MAP4K5: variants seen among roughly 807,000 people sequenced by gnomAD.
The protein encoded by MAP4K5 is MAPK/ERK kinase kinase kinase 5.
Under a neutral mutation model 135.6 loss-of-function variants are expected in MAP4K5, and 82 were observed. The observed-to-expected ratio is 0.60, with a 90% CI of 0.51 to 0.73. MAP4K5 has a LOEUF of 0.73. MAP4K5 is among the 30% of genes least tolerant of loss of function. The pLI, the probability that MAP4K5 is intolerant of heterozygous loss-of-function variation, is 0.00. For missense variants in MAP4K5, 907 were observed against 1,010.9 expected, an observed-to-expected ratio of 0.90 and a Z score of 1.39; for synonymous variants, 347 against 335.0, an observed-to-expected ratio of 1.04 and a Z score of -0.39.
At chr14:50,546,665 A>G (rs531904022) in intron 1 of MAP4K5, among the ~76,000 whole-genome samples, 3 of 152,276 alleles carry the variant, frequency 2.0e-5, no homozygotes, top group Non-Finnish European at 4.4e-5. Flanking sequence ...TCTGCTAGAT[A>G]TTTTAAGATG....
chr14:50,446,785 T>C (rs1384594322), intron 16 of MAP4K5, among the ~76,000 whole-genome samples: 2 of 152,222 alleles, frequency 1.3e-5, no homozygotes, highest in Non-Finnish European at 2.9e-5. Flanking sequence ...TCTGCTGTTA[T>C]AGTGTGAAAG....
At chr14:50,441,476 A>T (rs1035228154) in intron 21 of MAP4K5, among the ~76,000 whole-genome samples, 7 of 152,076 alleles carry the variant, frequency 4.6e-5, no homozygotes, top group Non-Finnish European at 7.4e-5. Flanking sequence ...CATTATACAA[A>T]CCCCAATTAA....
intron 28 of MAP4K5, among the ~76,000 whole-genome samples, chr14:50,432,130 G>A (rs2139657751): frequency 6.6e-6 from 1 of 152,280 alleles, no homozygotes; most frequent in Non-Finnish European, 1.5e-5. Context: ...CTGACCATAT[G>A]CTAAGCACCA....
intron 2 of MAP4K5, among the ~76,000 whole-genome samples, chr14:50,529,841 C>G (rs538854961): frequency 6.6e-6 from 1 of 152,014 alleles, no homozygotes; most frequent in Admixed American, 6.6e-5. Context: ...GTTTAAGGAG[C>G]AGCAAGCAGG....
intron 2 of MAP4K5, among the ~76,000 whole-genome samples, chr14:50,506,572 G>A (rs781048923): frequency 1.1e-4 from 16 of 152,178 alleles, no homozygotes; most frequent in African/African-American, 3.1e-4. Context: ...TGCCCAGGCC[G>A]GTCTCAAACT....
chr14:50,541,790 G>C (rs1321401737), intron 2 of MAP4K5, among the ~76,000 whole-genome samples: 1 of 151,866 alleles, frequency 6.6e-6, no homozygotes. Flanking sequence ...GGAGGCCGAG[G>C]CAGGAGGATC....
intron 1 of MAP4K5, chr14:50,560,431 G>A (rs1002197713): frequency 2.4e-6 from 3 of 1,226,128 alleles, no homozygotes; most frequent in Non-Finnish European, 3.5e-6. Flanking sequence ...GGCCGTAGCC[G>A]AGCCGCTCCC....
intron 2 of MAP4K5, among the ~76,000 whole-genome samples, chr14:50,514,846 G>T (rs1424238073): frequency 2.5e-5 from 1 of 39,912 alleles, no homozygotes; most frequent in Non-Finnish European, 1.1e-4. Flanking sequence ...GCTCAGGACA[G>T]AATGTATCAC....
chr14:50,452,519 T>C (rs906926180), intron 14 of MAP4K5, among the ~76,000 whole-genome samples: 2 of 152,182 alleles, frequency 1.3e-5, no homozygotes, highest in African/African-American at 2.4e-5. Context: ...CATTTCCAGT[T>C]ATTAACTGTA....
chr14:50,430,894 G>C (rs147448582), intron 28 of MAP4K5, among the ~76,000 whole-genome samples: 148 of 152,282 alleles, frequency 9.7e-4, no homozygotes, highest in Non-Finnish European at 1.0e-3. Flanking sequence ...GTAAAGAGCA[G>C]AGCTGTTTGC....
intron 1 of MAP4K5, among the ~76,000 whole-genome samples, chr14:50,548,994 G>A (rs879839970): frequency 5.3e-5 from 8 of 152,302 alleles, no homozygotes; most frequent in South Asian, 2.1e-4. Context: ...CTCTGGGGTG[G>A]CACAATTACA....
At chr14:50,496,208 C>T (rs1306062403) in intron 3 of MAP4K5, among the ~76,000 whole-genome samples, 1 of 151,780 alleles carries the variant, frequency 6.6e-6, no homozygotes, top group African/African-American at 2.4e-5. Flanking sequence ...AGCCTGTAAT[C>T]CCAGGTACTC....
chr14:50,429,053 A>AT (rs1394232637), intron 29 of MAP4K5, 139 bp downstream of exon 29: 2 of 597,524 alleles, frequency 3.3e-6, no homozygotes, highest in Non-Finnish European at 5.7e-6. Flanking sequence ...ATAAGAGGTG[A>AT]TTTTTTTCGC....
intron 18 of MAP4K5, 38 bp from the exon 19 acceptor site, chr14:50,444,074 A>C (rs1188217098): frequency 6.6e-6 from 9 of 1,363,970 alleles, no homozygotes; most frequent in Non-Finnish European, 9.3e-6. Flanking sequence ...TGACCACACA[A>C]ATAAGCACTT....
chr14:50,513,186 T>G (rs2037964992), intron 2 of MAP4K5, among the ~76,000 whole-genome samples: 1 of 152,204 alleles, frequency 6.6e-6, no homozygotes, highest in Non-Finnish European at 1.5e-5. Flanking sequence ...CCAATTAAAT[T>G]AATTTTCTAT....
intron 6 of MAP4K5, among the ~76,000 whole-genome samples, chr14:50,480,703 T>C (rs897192362): frequency 6.6e-6 from 1 of 152,164 alleles, no homozygotes; most frequent in Admixed American, 6.5e-5. Context: ...GTTAGGCAAT[T>C]TTGTTGTGCA....
intron 1 of MAP4K5, chr14:50,558,953 A>G (rs2038799019): frequency 6.6e-6 from 1 of 152,240 alleles, no homozygotes; most frequent in Non-Finnish European, 1.5e-5. Context: ...AATATAATGC[A>G]TAAGATTTGG....
intron 6 of MAP4K5, among the ~76,000 whole-genome samples, chr14:50,478,038 CTT>C (rs2037143146): frequency 6.6e-6 from 1 of 152,018 alleles, no homozygotes; most frequent in Admixed American, 6.5e-5. Context: ...GGCATTATTT[CTT>C]TCTTATATGT....
intron 28 of MAP4K5, 51 bp from the exon 29 acceptor site, chr14:50,429,311 T>C (rs2035920018): frequency 1.8e-6 from 2 of 1,083,920 alleles, no homozygotes; most frequent in Non-Finnish European, 2.7e-6. Context: ...ACCTAGAGCC[T>C]AGAAAATAAA....
Sources: allele counts gnomAD v4.1 joint callset (sites outside exome capture counted in the v4.1 genomes callset), GRCh38; gene constraint gnomAD v4.1.1; transcripts MANE v1.5; gene names NCBI Gene and HGNC (gene_info 2026-07-23, HGNC 2026-07-21).